The following MCC variants were observed in gnomAD, a reference collection of about 807,000 sequenced individuals.
The protein encoded by MCC is colorectal mutant cancer protein.
A neutral mutation model predicts 116.2 loss-of-function variants in MCC; 90 were observed. The ratio of observed to expected loss-of-function variants is 0.77; its 90% CI spans 0.65 to 0.92. MCC has a LOEUF of 0.92. Ranked by LOEUF, MCC falls within the 40% of genes least tolerant of loss-of-function variation. The probability of loss-of-function intolerance (pLI) is 0.00; values close to 1 mark genes in which losing one functional copy is unlikely to be tolerated. For synonymous variants in MCC, 578 were observed against 510.5 expected (o/e 1.13, Z -1.78); for missense variants, 1,516 against 1,312.2 (o/e 1.16, Z -2.40).
intron 5 of MCC, among the ~76,000 whole-genome samples, chr5:113,137,669 T>C (rs928097221): frequency 6.6e-6 from 1 of 152,176 alleles, no homozygotes; most frequent in Non-Finnish European, 1.5e-5. Flanking sequence ...GTTGTTGTTG[T>C]TGTTATGCCC....
chr5:113,094,157 T>C (rs1755850681), intron 8 of MCC, among the ~76,000 whole-genome samples: 1 of 152,194 alleles, frequency 6.6e-6, no homozygotes, highest in Middle Eastern at 3.2e-3. Flanking sequence ...CAGAATCTAT[T>C]TACAGCAAAT....
chr5:113,193,282 T>C (rs1037169506), intron 3 of MCC, among the ~76,000 whole-genome samples: 3 of 151,302 alleles, frequency 2.0e-5, no homozygotes, highest in Admixed American at 1.3e-4. Flanking sequence ...AGATTCTTAA[T>C]CGCATATGCA....
intron 16 of MCC, chr5:113,044,496 G>T: frequency 1.0e-6 from 1 of 983,886 alleles, no homozygotes; most frequent in Non-Finnish European, 1.2e-6. Flanking sequence ...TCTCTCAACG[G>T]ACATGAGTGC....
intron 1 of MCC, among the ~76,000 whole-genome samples, chr5:113,421,172 G>A (rs956357682): frequency 1.3e-5 from 2 of 151,802 alleles, no homozygotes; most frequent in Non-Finnish European, 2.9e-5. Context: ...CTACAGGCAC[G>A]CGCCACCATG....
chr5:113,376,545 C>T (rs1561543407), intron 2 of MCC, among the ~76,000 whole-genome samples: 1 of 150,822 alleles, frequency 6.6e-6, no homozygotes, highest in Non-Finnish European at 1.5e-5. Context: ...GTATAAGACA[C>T]ACATGAATCT....
At chr5:113,071,346 A>T in intron 11 of MCC, 112 bp from the exon 12 acceptor site, 1 of 1,084,628 alleles carries the variant, frequency 9.2e-7, no homozygotes. Context: ...TGGGCCTGTC[A>T]GATTAGTAGC....
chr5:113,052,361 G>A (rs572265357), intron 15 of MCC, among the ~76,000 whole-genome samples: 38 of 151,620 alleles, frequency 2.5e-4, no homozygotes, highest in Admixed American at 2.2e-3. Flanking sequence ...TAGCTCATAA[G>A]CAATGAGAGG....
intron 3 of MCC, among the ~76,000 whole-genome samples, chr5:113,182,381 G>A (rs1392680947): frequency 6.6e-6 from 1 of 152,208 alleles, no homozygotes; most frequent in African/African-American, 2.4e-5. Context: ...GATGGTAAGT[G>A]ACTCACTCAA....
At chr5:113,245,152 G>A (rs1172794510) in intron 3 of MCC, among the ~76,000 whole-genome samples, 1 of 152,086 alleles carries the variant, frequency 6.6e-6, no homozygotes, top group African/African-American at 2.4e-5. Flanking sequence ...AGCCGGGCGT[G>A]GTGGCATGTG....
At chr5:113,099,573 T>C (rs935560298) in intron 8 of MCC, among the ~76,000 whole-genome samples, 9 of 152,358 alleles carry the variant, frequency 5.9e-5, no homozygotes, top group Non-Finnish European at 1.2e-4. Context: ...GGTGCTATTA[T>C]TGTCCCACTT....
chr5:113,451,532 C>G (rs1324094514), intron 1 of MCC, among the ~76,000 whole-genome samples: 1 of 152,126 alleles, frequency 6.6e-6, no homozygotes, highest in Non-Finnish European at 1.5e-5. Flanking sequence ...TTCGGGAGTT[C>G]AAGACCAGCC....
intron 1 of MCC, among the ~76,000 whole-genome samples, chr5:113,388,923 C>T (rs59027034): frequency 0.02 from 3,082 of 152,204 alleles, 114 homozygotes; most frequent in African/African-American, 0.071. Context: ...TCTAGCATCT[C>T]GGACATTAAT....
intron 3 of MCC, among the ~76,000 whole-genome samples, chr5:113,253,431 C>T (rs1258392677): frequency 6.6e-6 from 1 of 152,102 alleles, no homozygotes; most frequent in Admixed American, 6.5e-5. Flanking sequence ...GGGATCTCTC[C>T]TCTGGCATTG....
chr5:113,245,051 G>A (rs1764518450), intron 3 of MCC, among the ~76,000 whole-genome samples: 1 of 152,110 alleles, frequency 6.6e-6, no homozygotes, highest in Admixed American at 6.5e-5. Context: ...CAGCACTTTG[G>A]GAGGCTGAGG....
intron 1 of MCC, among the ~76,000 whole-genome samples, chr5:113,392,973 G>A (rs1769436497): frequency 6.6e-6 from 1 of 152,088 alleles, no homozygotes. Flanking sequence ...AAAAACAGTA[G>A]TGAGTAAAGA....
chr5:113,154,458 C>T (rs545525162), intron 3 of MCC, among the ~76,000 whole-genome samples: 14 of 152,310 alleles, frequency 9.2e-5, no homozygotes, highest in South Asian at 6.2e-4. Flanking sequence ...ACCTCCTGGA[C>T]GGAGTAGGTG....
intron 6 of MCC, among the ~76,000 whole-genome samples, chr5:113,108,348 A>T (rs1581077502): frequency 6.7e-6 from 1 of 148,658 alleles, no homozygotes; most frequent in African/African-American, 2.5e-5. Context: ...AAAAAAAAAA[A>T]AAAAAAAAAA....
At chr5:113,044,559 G>C (rs1751943838) in intron 16 of MCC, 1 of 758,050 alleles carries the variant, frequency 1.3e-6, no homozygotes, top group African/African-American at 1.9e-5. Context: ...GCAGGAGATG[G>C]AATGTAAACA....
chr5:113,431,858 C>T (rs572216653), intron 1 of MCC, among the ~76,000 whole-genome samples: 8 of 149,348 alleles, frequency 5.4e-5, no homozygotes, highest in East Asian at 2.0e-4. Context: ...AAAATTAGGG[C>T]GGGGTACAGT....
Sources: allele counts gnomAD v4.1 joint callset (sites outside exome capture counted in the v4.1 genomes callset), GRCh38; gene constraint gnomAD v4.1.1; transcripts MANE v1.5; gene names NCBI Gene and HGNC (gene_info 2026-07-23, HGNC 2026-07-21).